Variants in RBFOX1 observed in about 807,000 individuals in gnomAD.
RBFOX1 encodes RNA binding fox-1 homolog 1.
A neutral mutation model predicts 57.7 loss-of-function variants in RBFOX1; 8 were observed. The ratio of observed to expected loss-of-function variants is 0.14; its 90% CI spans 0.08 to 0.25. The LOEUF (loss-of-function observed/expected upper bound fraction) is 0.25, where lower values mean the gene tolerates loss of function less well. Among genes scored for constraint, RBFOX1 ranks in the 10% least tolerant of loss-of-function variants. The pLI, the probability that RBFOX1 is intolerant of heterozygous loss-of-function variation, is 1.00. For missense variants in RBFOX1, 611 were observed against 548.5 expected, an observed-to-expected ratio of 1.11 and a Z score of -1.14; for synonymous variants, 326 against 222.4, an observed-to-expected ratio of 1.47 and a Z score of -4.15.
chr16:6,416,250 T>C (rs1045064852), intron 2 of RBFOX1, among the ~76,000 whole-genome samples: 1 of 152,182 alleles, frequency 6.6e-6, no homozygotes. Context: ...TTCTCAGCCA[T>C]CTCCACATCA....
At chr16:6,185,520 T>C (rs2097099573) in intron 1 of RBFOX1, among the ~76,000 whole-genome samples, 2 of 152,228 alleles carry the variant, frequency 1.3e-5, no homozygotes, top group African/African-American at 4.8e-5. Flanking sequence ...ATCCCCAGCC[T>C]GTCTCTTTCC....
At chr16:6,071,488 C>T (rs1366492023) in intron 1 of RBFOX1, among the ~76,000 whole-genome samples, 3 of 151,920 alleles carry the variant, frequency 2.0e-5, no homozygotes, top group African/African-American at 7.3e-5. Context: ...ATGAGTTTAC[C>T]GATATAACAA....
intron 3 of RBFOX1, among the ~76,000 whole-genome samples, chr16:6,854,538 A>T (rs946603326): frequency 1.1e-4 from 16 of 150,588 alleles, no homozygotes; most frequent in Non-Finnish European, 2.4e-4. Context: ...CTGGCCAACG[A>T]CATCTTCTGA....
chr16:7,453,637 T>C (rs2057859904), intron 4 of RBFOX1, among the ~76,000 whole-genome samples: 2 of 152,004 alleles, frequency 1.3e-5, no homozygotes, highest in South Asian at 4.1e-4. Flanking sequence ...AAAGCGTGTA[T>C]AGAGGATGTG....
At chr16:5,372,532 C>G (rs1463715413) in intron 1 of RBFOX1, among the ~76,000 whole-genome samples, 1 of 152,204 alleles carries the variant, frequency 6.6e-6, no homozygotes, top group East Asian at 1.9e-4. Flanking sequence ...GTGTGGCACA[C>G]AGGTTGGCCT....
intron 5 of RBFOX1, among the ~76,000 whole-genome samples, chr16:7,546,991 T>A (rs2084735779): frequency 6.6e-6 from 1 of 152,104 alleles, no homozygotes; most frequent in Non-Finnish European, 1.5e-5. Flanking sequence ...AAAATCACCC[T>A]CTAGAAAGAT....
At chr16:7,203,851 C>T (rs548921387) in intron 4 of RBFOX1, among the ~76,000 whole-genome samples, 2 of 152,342 alleles carry the variant, frequency 1.3e-5, no homozygotes, top group African/African-American at 4.8e-5. Flanking sequence ...AACCAGAAAT[C>T]TAAGTTTGTC....
chr16:7,327,796 C>G (rs547279361), intron 4 of RBFOX1, among the ~76,000 whole-genome samples: 8 of 141,880 alleles, frequency 5.6e-5, no homozygotes, highest in African/African-American at 2.3e-4. Context: ...TGAGATGCCC[C>G]CATTAAACAA....
At chr16:5,308,644 ATAT>A (rs1308022440) in intron 1 of RBFOX1, among the ~76,000 whole-genome samples, 1 of 152,032 alleles carries the variant, frequency 6.6e-6, no homozygotes, top group Non-Finnish European at 1.5e-5. Flanking sequence ...GGCTATGTAA[ATAT>A]TATTCTTTTC....
chr16:7,344,235 C>G (rs990945656), intron 4 of RBFOX1, among the ~76,000 whole-genome samples: 1 of 148,940 alleles, frequency 6.7e-6, no homozygotes, highest in African/African-American at 2.5e-5. Flanking sequence ...GGGATAATAC[C>G]AAAGTCATTT....
chr16:5,913,246 C>T (rs1215017251), intron 4 of RBFOX1, among the ~76,000 whole-genome samples: 1 of 152,292 alleles, frequency 6.6e-6, no homozygotes, highest in South Asian at 2.1e-4. Context: ...TTTATTGGGA[C>T]TTATGTATCT....
chr16:7,492,206 T>C (rs1187799414), intron 4 of RBFOX1, among the ~76,000 whole-genome samples: 3 of 152,230 alleles, frequency 2.0e-5, no homozygotes, highest in Non-Finnish European at 2.9e-5. Flanking sequence ...AAAATTCAGT[T>C]CTTTAAGATT....
At chr16:6,710,414 A>G (rs560223958) in intron 3 of RBFOX1, among the ~76,000 whole-genome samples, 3 of 152,330 alleles carry the variant, frequency 2.0e-5, no homozygotes, top group East Asian at 1.9e-4. Flanking sequence ...GATCAATATA[A>G]AAGATATTTT....
At chr16:6,874,655 C>G (rs776839509) in intron 3 of RBFOX1, among the ~76,000 whole-genome samples, 15 of 151,966 alleles carry the variant, frequency 9.9e-5, no homozygotes, top group Admixed American at 5.2e-4. Flanking sequence ...CAATGGTTTT[C>G]CATTCCCGAG....
intron 1 of RBFOX1, among the ~76,000 whole-genome samples, chr16:5,292,238 G>T (rs888497057): frequency 7.9e-5 from 12 of 152,194 alleles, no homozygotes; most frequent in African/African-American, 2.9e-4. Flanking sequence ...GCGGCTGCAG[G>T]AGGTTGACTC....
chr16:5,751,708 G>A (rs771851471), intron 3 of RBFOX1, among the ~76,000 whole-genome samples: 1 of 152,164 alleles, frequency 6.6e-6, no homozygotes, highest in Non-Finnish European at 1.5e-5. Context: ...GTTAGCTGTA[G>A]AATATCCACT....
At chr16:6,452,733 G>C (rs4141040) in intron 2 of RBFOX1, among the ~76,000 whole-genome samples, 27,082 of 152,184 alleles carry the variant, frequency 0.18, 2,943 homozygotes, top group East Asian at 0.45. Flanking sequence ...CAGTTAGACT[G>C]CTTTAAAGTG....
chr16:7,212,864 T>A (rs570542227), intron 4 of RBFOX1, among the ~76,000 whole-genome samples: 1 of 152,134 alleles, frequency 6.6e-6, no homozygotes, highest in Non-Finnish European at 1.5e-5. Flanking sequence ...TAACTTAGGC[T>A]ACAATGATGA....
At chr16:7,639,745 C>T (rs541966454) in intron 11 of RBFOX1, among the ~76,000 whole-genome samples, 2 of 152,282 alleles carry the variant, frequency 1.3e-5, no homozygotes, top group Admixed American at 6.5e-5. Context: ...CCTATTTTCA[C>T]CATTCTTCAA....
Sources: allele counts gnomAD v4.1 joint callset (sites outside exome capture counted in the v4.1 genomes callset), GRCh38; gene constraint gnomAD v4.1.1; transcripts MANE v1.5; gene names NCBI Gene and HGNC (gene_info 2026-07-23, HGNC 2026-07-21).